Variants in SCD5 observed in about 807,000 individuals in gnomAD.
SCD5 encodes stearoyl-CoA desaturase 5.
A neutral mutation model predicts 30.4 loss-of-function variants in SCD5; 20 were observed. The observed-to-expected ratio is 0.66, with a 90% CI of 0.46 to 0.96. The LOEUF (loss-of-function observed/expected upper bound fraction) is 0.96. Ranked by LOEUF, SCD5 falls within the 40% of genes least tolerant of loss-of-function variation. SCD5 has a pLI of 0.00. For synonymous variants in SCD5, 173 were observed against 176.4 expected, an observed-to-expected ratio of 0.98 and a Z score of 0.16; for missense variants, 381 against 443.3, an observed-to-expected ratio of 0.86 and a Z score of 1.26.
At chr4:82,786,866 A>G (rs1474532583) in intron 1 of SCD5, among the ~76,000 whole-genome samples, 1 of 151,816 alleles carries the variant, frequency 6.6e-6, no homozygotes, top group Non-Finnish European at 1.5e-5. Flanking sequence ...TAGATCAAGC[A>G]CTTACCTTAA....
chr4:82,729,250 A>G (rs1183270380), intron 1 of SCD5, among the ~76,000 whole-genome samples: 6 of 152,186 alleles, frequency 3.9e-5, no homozygotes, highest in African/African-American at 1.4e-4. Flanking sequence ...CAGACGATTC[A>G]TTTTGGGATG....
At chr4:82,768,313 G>A (rs545970775) in intron 1 of SCD5, among the ~76,000 whole-genome samples, 28 of 152,268 alleles carry the variant, frequency 1.8e-4, no homozygotes, top group African/African-American at 6.7e-4. Context: ...ATTTACAGGA[G>A]TGATCTGATA....
rs1051374679 is a variant in SCD5 at position 82,729,599 on chromosome 4, A to G, written c.233-24186T>C. Among the ~76,000 whole-genome samples, 3 of 144,884 alleles carry G rather than the reference A, an allele frequency of 2.1e-5. No homozygotes were observed. In the South Asian group the frequency reaches 6.6e-4, roughly 32 times the overall value. On this transcript the variant is annotated intron_variant, in intron 1 of 4. Coordinates refer to ENST00000319540, the MANE Select transcript of SCD5 (RefSeq NM_001037582.3). ...GGGGGGAAAGAGATATGTTTAAGAG[A>G]AAGAATTTTAAACATATCTTCTTGA...
intron 1 of SCD5, among the ~76,000 whole-genome samples, chr4:82,719,988 G>C (rs1578036992): frequency 6.6e-6 from 1 of 151,714 alleles, no homozygotes. Flanking sequence ...TTTTAGTAGA[G>C]ATGGGGTTTC....
chr4:82,661,055 C>T, intron 3 of SCD5: 1 of 1,613,740 alleles, frequency 6.2e-7, no homozygotes, highest in East Asian at 2.2e-5. Context: ...AGAGCTCTTC[C>T]TTCTTTCTGG....
At chr4:82,786,456 C>T (rs1042069317) in intron 1 of SCD5, among the ~76,000 whole-genome samples, 2 of 152,094 alleles carry the variant, frequency 1.3e-5, no homozygotes, top group African/African-American at 4.8e-5. Context: ...CTATTCATGT[C>T]TTGTTTCATT....
At chr4:82,726,180 AG>A (rs1720464436) in intron 1 of SCD5, among the ~76,000 whole-genome samples, 1 of 152,190 alleles carries the variant, frequency 6.6e-6, no homozygotes, top group African/African-American at 2.4e-5. Context: ...GCACTTTGGG[AG>A]GCCAAAGCAG....
In SCD5 at chr4:82,798,643, T is replaced by A; in HGVS notation, c.-106A>T. 1 of 937,880 alleles carries A rather than the reference T, an allele frequency of 1.1e-6. No homozygotes were observed. The highest frequency in any genetic ancestry group is 1.6e-6 in the Non-Finnish European group (1 of 643,962). 58.1% of individuals were successfully genotyped at this position (937,880 alleles called of 1,614,324 possible). ...GCTTCTGCCTTTTAGGGGGGAATTC[T>A]CCGCACGTCCAGTCCCCTCCTTCCA... On this transcript the variant is annotated 5_prime_UTR_variant, in exon 1 of 5. Transcript: ENST00000319540.
intron 2 of SCD5, among the ~76,000 whole-genome samples, chr4:82,700,657 T>C (rs1190104260): frequency 6.6e-6 from 1 of 151,910 alleles, no homozygotes; most frequent in Non-Finnish European, 1.5e-5. Context: ...TGTGGTGCTA[T>C]GTGCCTATAG....
intron 1 of SCD5, among the ~76,000 whole-genome samples, chr4:82,723,032 G>A (rs531375752): frequency 1.2e-4 from 17 of 146,352 alleles, no homozygotes; most frequent in East Asian, 8.0e-4. Context: ...AGCCGAGATC[G>A]CGCCATTGCA....
intron 1 of SCD5, 53 bp downstream of exon 1, chr4:82,798,253 C>G (rs1388344462): frequency 1.4e-6 from 2 of 1,416,050 alleles, no homozygotes; most frequent in African/African-American, 1.5e-5. Flanking sequence ...TCGCGCGCCC[C>G]AGCGCGGCCT....
rs1227766016 is a variant in SCD5, at chr4:82,631,349, C to T, written c.971G>A (p.Arg324Lys). The part of the protein sequence containing the change: ...TKPMIEARKA[R>K]TGDSSA ...AGTTCAAGCACTGCTGTCTCCAGTC[C>T]TGGCCTTCCGGGCCTCGATCATCGG... The change falls in exon 5 of 5, where the codon AGG (arginine) becomes AAG (lysine). Residue 324 changes from arginine to lysine, a missense_variant. By Grantham distance (26) the Arg-to-Lys change is conservative. Coordinates refer to ENST00000319540, the MANE Select transcript of SCD5 (RefSeq NM_001037582.3). The T allele has an allele frequency of 6.2e-7, 1 of 1,614,062 alleles. No homozygotes were observed. Among genetic ancestry groups the T allele is most frequent in the African/African-American group, 1.3e-5 (1 of 75,038 alleles).
At chr4:82,774,273 A>AGT (rs1247719329) in intron 1 of SCD5, among the ~76,000 whole-genome samples, 1 of 151,850 alleles carries the variant, frequency 6.6e-6, no homozygotes, top group Non-Finnish European at 1.5e-5. Context: ...AGTACATCTA[A>AGT]ACGTTGGAAT....
At chr4:82,782,476 C>T (rs993092859) in intron 1 of SCD5, among the ~76,000 whole-genome samples, 2 of 152,036 alleles carry the variant, frequency 1.3e-5, no homozygotes, top group Admixed American at 6.5e-5. Context: ...GTCCTCACAC[C>T]AATCCTAGAA....
intron 1 of SCD5, among the ~76,000 whole-genome samples, chr4:82,760,820 C>A (rs1414778270): frequency 2.6e-5 from 4 of 152,230 alleles, no homozygotes. Context: ...TGCCGCACCA[C>A]AATTCATCCC....
At chr4:82,649,684 C>G (rs1219510327) in intron 3 of SCD5, among the ~76,000 whole-genome samples, 1 of 152,204 alleles carries the variant, frequency 6.6e-6, no homozygotes, top group Non-Finnish European at 1.5e-5. Context: ...CAGACTGCTA[C>G]TTGCAGTAGA....
At chr4:82,743,247 C>T (rs996069407) in intron 1 of SCD5, among the ~76,000 whole-genome samples, 6 of 152,170 alleles carry the variant, frequency 3.9e-5, no homozygotes, top group African/African-American at 1.4e-4. Flanking sequence ...CAGTGGCTCA[C>T]ACCTGCAATC....
rs1409252100 is a variant in SCD5 at position 82,653,702 on chromosome 4, A to ATAGATAGATAGATAGATAGATAGG, written c.570-16880_570-16879insCCTATCTATCTATCTATCTATCTA. 1.8e-3 allele frequency among the ~76,000 whole-genome samples: 221 copies of ATAGATAGATAGATAGATAGATAGG among 122,530 alleles called. 2 individuals are homozygous for ATAGATAGATAGATAGATAGATAGG. The highest frequency in any genetic ancestry group is 6.2e-3 in the African/African-American group (206 of 33,224). The allele number at this position is 122,530 out of a possible 152,430, so 80.4% of individuals were successfully genotyped here. On this transcript the variant is annotated intron_variant, in intron 3 of 4. Transcript: ENST00000319540. Reference sequence around the variant, plus strand: ...GATAGATAGATAGATAGATAGATAGATAGATATAGATAGATAGATAGATAT... The same window carrying ATAGATAGATAGATAGATAGATAGG: ...GATAGATAGATAGATAGATAGATAGATAGATAGATAGATAGATAGATAGGTAGATATAGATAGATAGATAGATAT...
chr4:82,666,433 G>T (rs1243999045), intron 3 of SCD5, among the ~76,000 whole-genome samples: 3 of 151,862 alleles, frequency 2.0e-5, no homozygotes, highest in African/African-American at 7.3e-5. Context: ...GGAGAATGGC[G>T]TGAACCCGGG....
Sources: allele counts gnomAD v4.1 joint callset (sites outside exome capture counted in the v4.1 genomes callset), GRCh38; gene constraint gnomAD v4.1.1; transcripts MANE v1.5; gene names NCBI Gene and HGNC (gene_info 2026-07-23, HGNC 2026-07-21).